Variants in ZNF385D observed in about 807,000 individuals in gnomAD.
ZNF385D encodes zinc finger protein 385D, also known as zinc finger protein 659.
Under a neutral mutation model 35.8 loss-of-function variants are expected in ZNF385D, and 15 were observed. That is an observed-to-expected ratio of 0.42 (90% CI 0.28 to 0.64). The LOEUF is 0.64. Among genes scored for constraint, ZNF385D ranks in the 30% least tolerant of loss-of-function variants. The probability of loss-of-function intolerance (pLI) is 0.23; values close to 1 mark genes in which losing one functional copy is unlikely to be tolerated. For synonymous variants in ZNF385D, 212 were observed against 186.8 expected (o/e 1.13, Z -1.10); for missense variants, 474 against 494.6 (o/e 0.96, Z 0.39).
chr3:21,730,228 C>T (rs1023563238), intron 1 of ZNF385D, among the ~76,000 whole-genome samples: 2 of 152,120 alleles, frequency 1.3e-5, no homozygotes, highest in Admixed American at 6.6e-5. Flanking sequence ...ACTATACCAG[C>T]GATGACTCTG....
In ZNF385D at chr3:22,261,681, G is replaced by T. The variant is rs539000812; in HGVS notation, c.107-92646C>A. ...GTGGCATTAGCAGAGACCTGAAGGT[G>T]GGGGGATGCGAGGTGGAAATTTTCA... On this transcript the variant is annotated intron_variant, in intron 2 of 5. Transcript: ENST00000494108. Among the ~76,000 whole-genome samples, 8 of 151,970 alleles carry T rather than the reference G, an allele frequency of 5.3e-5. No individual in the cohort carries two copies. The South Asian group carries it at 8.3e-4, about 16-fold the overall frequency.
At chr3:22,008,241 A>C (rs74985696) in intron 3 of ZNF385D, among the ~76,000 whole-genome samples, 5,288 of 152,246 alleles carry the variant, frequency 0.035, 311 homozygotes, top group African/African-American at 0.12. Context: ...ACTTGTCATC[A>C]AAGGGAGATG....
intron 2 of ZNF385D, among the ~76,000 whole-genome samples, chr3:21,582,716 T>C (rs755697892): frequency 6.6e-6 from 1 of 152,182 alleles, no homozygotes; most frequent in Non-Finnish European, 1.5e-5. Context: ...CTCTTAACCA[T>C]GTAGGTACAG....
At chr3:21,825,532 C>G (rs796925308) in intron 3 of ZNF385D, among the ~76,000 whole-genome samples, 15 of 151,520 alleles carry the variant, frequency 9.9e-5, no homozygotes, top group African/African-American at 3.6e-4. Flanking sequence ...CAGTGGCTTA[C>G]AAGCCTTGTG....
intron 2 of ZNF385D, among the ~76,000 whole-genome samples, chr3:22,234,576 T>C (rs1699073707): frequency 6.6e-6 from 1 of 152,122 alleles, no homozygotes; most frequent in South Asian, 2.1e-4. Context: ...TTGTGATGAC[T>C]ATCAATGTCT....
At chr3:22,308,919 A>G (rs1394803020) in intron 2 of ZNF385D, among the ~76,000 whole-genome samples, 1 of 152,102 alleles carries the variant, frequency 6.6e-6, no homozygotes, top group Non-Finnish European at 1.5e-5. Flanking sequence ...AATTTGAAAA[A>G]TTTGCTTTAT....
rs138363837 is a variant in ZNF385D at position 21,891,006 on chromosome 3, A to G, written c.326-225978T>C. ...TGGCAGAAAAGCAAACCCACTTGGA[A>G]CTGGACTAATACAGGTTTGGATTTT... On this transcript the variant is annotated intron_variant, in intron 3 of 5. Transcript: ENST00000494108. Among the ~76,000 whole-genome samples, 284 of 152,312 alleles carry G rather than the reference A, an allele frequency of 1.9e-3. 3 individuals are homozygous for G. Among genetic ancestry groups the G allele is most frequent in the African/African-American group, 6.4e-3 (265 of 41,572 alleles).
intron 4 of ZNF385D, among the ~76,000 whole-genome samples, chr3:21,445,317 A>ACTGCTCATCTCTCCAGTG: frequency 6.6e-6 from 1 of 152,320 alleles, no homozygotes; most frequent in African/African-American, 2.4e-5. Flanking sequence ...ATGACTAAAC[A>ACTGCTCATCTCTCCAGTG]CTGCTCATCT....
At chr3:21,590,339 G>T (rs910898959) in intron 2 of ZNF385D, among the ~76,000 whole-genome samples, 2 of 152,136 alleles carry the variant, frequency 1.3e-5, no homozygotes, top group African/African-American at 4.8e-5. Context: ...GATATGACCA[G>T]CAGGGAGAAG....
chr3:21,808,008 G>T (rs763270904), intron 3 of ZNF385D, among the ~76,000 whole-genome samples: 1 of 152,050 alleles, frequency 6.6e-6, no homozygotes. Context: ...GACCAAATAT[G>T]TCTGAAAATA....
intron 3 of ZNF385D, among the ~76,000 whole-genome samples, chr3:22,090,600 C>T (rs1184614577): frequency 2.0e-5 from 3 of 151,976 alleles, no homozygotes; most frequent in Non-Finnish European, 4.4e-5. Flanking sequence ...GTCACAGGAC[C>T]GATATTGCTA....
At chr3:22,220,628 G>T (rs1698194853) in intron 2 of ZNF385D, among the ~76,000 whole-genome samples, 1 of 152,004 alleles carries the variant, frequency 6.6e-6, no homozygotes, top group Admixed American at 6.6e-5. Context: ...CATAATAATT[G>T]TATTTCATAC....
intron 3 of ZNF385D, among the ~76,000 whole-genome samples, chr3:21,520,134 G>C (rs1707817503): frequency 6.6e-6 from 1 of 152,140 alleles, no homozygotes; most frequent in Non-Finnish European, 1.5e-5. Context: ...TCATTTTTAA[G>C]CCCTTGTATA....
chr3:22,193,368 C>T (rs1033028053), intron 2 of ZNF385D, among the ~76,000 whole-genome samples: 3 of 151,582 alleles, frequency 2.0e-5, no homozygotes, highest in African/African-American at 4.8e-5. Flanking sequence ...ACAATCATAC[C>T]AATTTTGAAA....
chr3:22,243,402 G>C (rs1699599795), intron 2 of ZNF385D, among the ~76,000 whole-genome samples: 1 of 150,936 alleles, frequency 6.6e-6, no homozygotes, highest in South Asian at 2.2e-4. Flanking sequence ...ATACTTTGAA[G>C]GGGAAACAGT....
intron 1 of ZNF385D, among the ~76,000 whole-genome samples, chr3:21,722,894 G>C (rs370282766): frequency 6.6e-5 from 10 of 152,278 alleles, no homozygotes; most frequent in Admixed American, 6.5e-4. Flanking sequence ...GTGTGAGCTT[G>C]TACTACTTTT....
intron 3 of ZNF385D, among the ~76,000 whole-genome samples, chr3:22,168,307 T>G (rs993704977): frequency 6.6e-6 from 1 of 152,066 alleles, no homozygotes; most frequent in Non-Finnish European, 1.5e-5. Flanking sequence ...TTTTAAAAAG[T>G]AGTCTAAAGT....
intron 3 of ZNF385D, among the ~76,000 whole-genome samples, chr3:21,820,165 T>A (rs147727710): frequency 5.1e-4 from 78 of 151,880 alleles, no homozygotes; most frequent in African/African-American, 1.9e-3. Context: ...AGAATATACT[T>A]CTTTTAAAGC....
At chr3:22,113,540 AAG>A (rs1702648007) in intron 3 of ZNF385D, among the ~76,000 whole-genome samples, 1 of 152,126 alleles carries the variant, frequency 6.6e-6, no homozygotes, top group East Asian at 1.9e-4. Context: ...TGTAAGTAAA[AAG>A]AAGAAAAGTT....
Sources: gnomAD v4.1 joint callset for allele counts (sites outside exome capture counted in the v4.1 genomes callset) on GRCh38, gnomAD v4.1.1 for gene constraint, MANE v1.5 for transcripts, NCBI Gene and HGNC (gene_info 2026-07-23, HGNC 2026-07-21) for gene names.